The following RBFOX1 variants were observed in gnomAD, a reference collection of about 807,000 sequenced individuals.
RBFOX1 encodes the protein RNA binding fox-1 homolog 1.
RBFOX1 carries 8 observed loss-of-function variants against 57.7 expected under a neutral mutation model. The observed-to-expected ratio is 0.14, with a 90% confidence interval of 0.08 to 0.25. The LOEUF is 0.25. Among genes scored for constraint, RBFOX1 ranks in the 10% least tolerant of loss-of-function variants. RBFOX1 has a pLI of 1.00. For synonymous variants in RBFOX1, 326 were observed against 222.4 expected (o/e 1.47, Z -4.15); for missense variants, 611 against 548.5 (o/e 1.11, Z -1.14).
intron 1 of RBFOX1, among the ~76,000 whole-genome samples, chr16:6,157,186 G>T (rs531889978): frequency 4.3e-4 from 65 of 151,916 alleles, no homozygotes; most frequent in African/African-American, 1.5e-3. Flanking sequence ...TTTATGATTT[G>T]ATTTATTTAT....
intron 4 of RBFOX1, among the ~76,000 whole-genome samples, chr16:5,888,991 T>C (rs1205273345): frequency 2.6e-5 from 4 of 152,028 alleles, no homozygotes; most frequent in Non-Finnish European, 5.9e-5. Flanking sequence ...TTGGGAGTAT[T>C]AAGCAAGATT....
chr16:7,313,043 C>T (rs1442061704), intron 4 of RBFOX1, among the ~76,000 whole-genome samples: 3 of 152,026 alleles, frequency 2.0e-5, no homozygotes, highest in Admixed American at 2.0e-4. Flanking sequence ...GCAGCGTGTT[C>T]CCCACTGCTG....
At chr16:7,023,646 A>G (rs757506685) in intron 3 of RBFOX1, among the ~76,000 whole-genome samples, 7 of 149,184 alleles carry the variant, frequency 4.7e-5, no homozygotes, top group Non-Finnish European at 7.4e-5. Flanking sequence ...GGAAGGCCCC[A>G]GTATACCTTG....
At chr16:6,909,601 A>G (rs1317744174) in intron 3 of RBFOX1, among the ~76,000 whole-genome samples, 1 of 152,220 alleles carries the variant, frequency 6.6e-6, no homozygotes, top group South Asian at 2.1e-4. Context: ...AGGGACATGT[A>G]ATCTCCCCAA....
At chr16:6,907,812 G>C (rs931240089) in intron 3 of RBFOX1, among the ~76,000 whole-genome samples, 22 of 148,020 alleles carry the variant, frequency 1.5e-4, no homozygotes, top group Admixed American at 1.4e-3. Flanking sequence ...GACCTCAGGT[G>C]AACCACCCGC....
chr16:5,665,712 G>A (rs1389984401), intron 3 of RBFOX1, among the ~76,000 whole-genome samples: 1 of 152,210 alleles, frequency 6.6e-6, no homozygotes, highest in South Asian at 2.1e-4. Context: ...TGTTTACTGA[G>A]TGTCCTGATC....
chr16:6,497,703 G>C (rs565329992), intron 2 of RBFOX1, among the ~76,000 whole-genome samples: 2 of 152,042 alleles, frequency 1.3e-5, no homozygotes, highest in Admixed American at 6.5e-5. Flanking sequence ...ATTACAGGCA[G>C]ATACCACCAT....
At chr16:6,064,552 TA>T (rs1376850640) in intron 1 of RBFOX1, among the ~76,000 whole-genome samples, 1 of 152,098 alleles carries the variant, frequency 6.6e-6, no homozygotes, top group African/African-American at 2.4e-5. Context: ...TTATTATTAT[TA>T]TTTTTTTAGA....
chr16:7,396,102 G>T (rs78328459), intron 4 of RBFOX1, among the ~76,000 whole-genome samples: 4,210 of 152,228 alleles, frequency 0.028, 139 homozygotes, highest in African/African-American at 0.075. Flanking sequence ...GTAAGTGTCA[G>T]GGGAGGGGAT....
At chr16:6,154,837 T>G (rs2096827558) in intron 1 of RBFOX1, among the ~76,000 whole-genome samples, 1 of 152,194 alleles carries the variant, frequency 6.6e-6, no homozygotes, top group Non-Finnish European at 1.5e-5. Context: ...CATTTGAATA[T>G]AAGAACAAAT....
intron 3 of RBFOX1, among the ~76,000 whole-genome samples, chr16:6,916,866 A>G (rs1425174687): frequency 1.3e-5 from 2 of 152,022 alleles, no homozygotes; most frequent in Admixed American, 6.6e-5. Context: ...TTTTGTGTGT[A>G]TAAGATGGAG....
At chr16:6,138,444 C>G (rs1006881313) in intron 1 of RBFOX1, among the ~76,000 whole-genome samples, 1 of 152,168 alleles carries the variant, frequency 6.6e-6, no homozygotes, top group African/African-American at 2.4e-5. Flanking sequence ...GATCTACTTC[C>G]CTGCTCATAT....
At chr16:6,760,982 A>G (rs900905113) in intron 3 of RBFOX1, among the ~76,000 whole-genome samples, 1 of 152,350 alleles carries the variant, frequency 6.6e-6, no homozygotes, top group East Asian at 1.9e-4. Context: ...TCTCCCTAAA[A>G]GTTGACTGAG....
chr16:7,329,803 C>A (rs1331232476), intron 4 of RBFOX1, among the ~76,000 whole-genome samples: 1 of 152,118 alleles, frequency 6.6e-6, no homozygotes, highest in African/African-American at 2.4e-5. Flanking sequence ...TCATGGCGTT[C>A]TTAAGAAGAA....
chr16:6,300,113 C>G (rs1178154141), intron 1 of RBFOX1, among the ~76,000 whole-genome samples: 5 of 152,096 alleles, frequency 3.3e-5, no homozygotes, highest in Admixed American at 2.0e-4. Context: ...ACTGCATTAT[C>G]TCACTTATAT....
At chr16:5,628,525 G>A (rs1186663722) in intron 3 of RBFOX1, among the ~76,000 whole-genome samples, 1 of 152,110 alleles carries the variant, frequency 6.6e-6, no homozygotes, top group East Asian at 1.9e-4. Context: ...GGTCAGCCAA[G>A]TAGTATTTGG....
At chr16:6,926,850 AC>A (rs1442632832) in intron 3 of RBFOX1, among the ~76,000 whole-genome samples, 1 of 152,082 alleles carries the variant, frequency 6.6e-6, no homozygotes, top group Non-Finnish European at 1.5e-5. Context: ...ATAAACATCC[AC>A]GTGACTCTTT....
At chr16:6,383,079 C>T (rs182135452) in intron 2 of RBFOX1, among the ~76,000 whole-genome samples, 12 of 152,270 alleles carry the variant, frequency 7.9e-5, no homozygotes, top group African/African-American at 2.6e-4. Flanking sequence ...GTTGCCCAGT[C>T]ACTTGCTGAC....
At chr16:5,779,989 A>G (rs994308695) in intron 3 of RBFOX1, among the ~76,000 whole-genome samples, 1 of 152,242 alleles carries the variant, frequency 6.6e-6, no homozygotes, top group Non-Finnish European at 1.5e-5. Flanking sequence ...TGTATACCTT[A>G]AAAGCATGTT....
Sources: gnomAD v4.1 joint callset for allele counts (sites outside exome capture counted in the v4.1 genomes callset) on GRCh38, gnomAD v4.1.1 for gene constraint, MANE v1.5 for transcripts, NCBI Gene and HGNC (gene_info 2026-07-23, HGNC 2026-07-21) for gene names.